The following SHF variants were observed in gnomAD, a reference collection of about 807,000 sequenced individuals.
SHF encodes the protein SH2 domain-containing adapter protein F.
A neutral mutation model predicts 42.4 loss-of-function variants in SHF; 30 were observed. That is an observed-to-expected ratio of 0.71 (90% confidence interval 0.53 to 0.96). The LOEUF (loss-of-function observed/expected upper bound fraction) is 0.96. Among genes scored for constraint, SHF ranks in the 40% least tolerant of loss-of-function variants. The pLI, the probability that SHF is intolerant of heterozygous loss-of-function variation, is 0.00. For synonymous variants in SHF, 264 were observed against 269.9 expected, an observed-to-expected ratio of 0.98 and a Z score of 0.21; for missense variants, 598 against 634.0, an observed-to-expected ratio of 0.94 and a Z score of 0.61.
At position 45,171,900 on chromosome 15, in the gene SHF, G is replaced by T. The variant is rs1268883319; in HGVS notation, c.1263C>A (p.Asp421Glu). 1 of 1,613,452 alleles carries T rather than the reference G, an allele frequency of 6.2e-7. No individual in the cohort carries two copies. Among genetic ancestry groups the T allele is most frequent in the Admixed American group, 1.7e-5 (1 of 60,024 alleles). ...LVRNSETSKN[D>E]FSLSLKSSQG... is the part of the protein sequence containing the mutation. ...CCACTCACTTGAGGGAGAGGGAGAA[G>T]TCATTCTTGCTGGTCTCACTGTTGC... The change falls in exon 6 of 7, where the codon GAC becomes GAA. Residue 421 changes from aspartate to glutamate, a missense_variant. This residue lies in a region of SHF where 439 missense variants were observed against 524.6 expected (regional missense o/e 0.84). Transcript: ENST00000690270.
chr15:45,180,378 T>A (rs1192786871), intron 1 of SHF, among the ~76,000 whole-genome samples: 1 of 152,172 alleles, frequency 6.6e-6, no homozygotes, highest in Non-Finnish European at 1.5e-5. Flanking sequence ...AAGGCGGCTC[T>A]GTGGTCAGCC....
In SHF at chr15:45,198,591, C is replaced by T. The variant is rs749809140; in HGVS notation, c.303+181G>A. 1.7e-4 allele frequency: 104 copies of T among 621,026 alleles called. 1 individual carries two copies. The highest frequency in any genetic ancestry group is 4.7e-4 in the Admixed American group (14 of 29,552). 38.5% of individuals were successfully genotyped at this position (621,026 alleles called of 1,614,324 possible). A position where few individuals can be genotyped will look rare whatever the true frequency, so the allele number is the denominator to read the frequency against. On this transcript the variant is annotated intron_variant, in intron 2 of 7. Transcript: ENST00000290894. ...AAAAAATACCGAGCCCCTTGCCGTG[C>T]CATTGTTCCCACAATGCCGTGACTC...
chr15:45,193,540 A>C (rs1898770341), intron 2 of SHF, among the ~76,000 whole-genome samples: 1 of 152,228 alleles, frequency 6.6e-6, no homozygotes, highest in African/African-American at 2.4e-5. Context: ...AGGAAACAAT[A>C]GGGCAGAGGA....
chr15:45,191,312 C>T (rs1019338269), upstream of SHF, among the ~76,000 whole-genome samples: 1 of 152,164 alleles, frequency 6.6e-6, no homozygotes, highest in African/African-American at 2.4e-5. Flanking sequence ...CCTCCCAAAG[C>T]ACTGGTACTA....
chr15:45,178,268 A>G lies in SHF; in HGVS notation c.537T>C (p.Val179=), dbSNP rs775642047. ...ILEDYADPFD[V]QETGEGSAGA... is the part of the protein sequence containing the mutation. ...CTGCTGAGCCTTCGCCAGTCTCCTG[A>G]ACATCAAACGGGTCCGCATAGTCTT... The change falls in exon 2 of 7, where the codon GTT becomes GTC. Residue 179 remains valine, a synonymous_variant. Coordinates refer to ENST00000690270, the MANE Select transcript of SHF (RefSeq NM_001394037.1). 7 of 1,613,952 alleles carry G rather than the reference A, an allele frequency of 4.3e-6. No homozygotes were observed. Among genetic ancestry groups the G allele is most frequent in the East Asian group, 4.5e-5 (2 of 44,858 alleles).
At chr15:45,198,867 C>A in exon 2 of SHF, 1 of 1,613,988 alleles carries the variant, frequency 6.2e-7, no homozygotes. Flanking sequence ...CCATTAGCCA[C>A]GGGCTGTGGT....
exon 1 of SHF, chr15:45,200,964 C>T (rs1899071233): frequency 2.4e-6 from 1 of 423,804 alleles, no homozygotes; most frequent in Non-Finnish European, 4.7e-6. Flanking sequence ...CTTTTGCGGT[C>T]CGTGCGTACA....
At chr15:45,194,955 A>C (rs1302634626) in intron 2 of SHF, among the ~76,000 whole-genome samples, 1 of 152,042 alleles carries the variant, frequency 6.6e-6, no homozygotes, top group Non-Finnish European at 1.5e-5. Flanking sequence ...CAGCTGCTCC[A>C]ATAGCTGGGA....
intron 6 of SHF, among the ~76,000 whole-genome samples, chr15:45,169,197 C>G (rs1301055903): frequency 1.3e-5 from 2 of 152,208 alleles, no homozygotes; most frequent in East Asian, 3.8e-4. Context: ...AGAAGTGAGG[C>G]TGGCAATCCT....
chr15:45,191,656 A>G (rs1898710653), upstream of SHF, among the ~76,000 whole-genome samples: 1 of 152,268 alleles, frequency 6.6e-6, no homozygotes, highest in South Asian at 2.1e-4. Flanking sequence ...TTATATAGCT[A>G]TAATTGTGGT....
Position 45,167,290 on chromosome 15 carries a change from C to T in SHF, c.*657G>A, listed in dbSNP as rs1242468877. 6.6e-6 allele frequency: 1 copy of T among 152,320 alleles called. No homozygotes were observed. The highest frequency in any genetic ancestry group is 2.4e-5 in the African/African-American group (1 of 41,472). The allele number at this position is 152,320 out of a possible 1,614,324, so 9.4% of individuals were successfully genotyped here. On this transcript the variant is annotated 3_prime_UTR_variant, in exon 7 of 7. Coordinates refer to ENST00000690270, the MANE Select transcript of SHF (RefSeq NM_001394037.1). ...TCTGCGCTCGCTTCTCCGCTCCCTC[C>T]CCCGTCAGCCCGGGGACGGCGCCGG...
intron 2 of SHF, 32 bp downstream of exon 2, chr15:45,178,133 C>A: frequency 6.2e-7 from 1 of 1,604,334 alleles, no homozygotes; most frequent in Non-Finnish European, 8.5e-7. Context: ...GCCCAGGCCT[C>A]AGGGAGCACC....
chr15:45,188,174 G>T (rs1049100968), upstream of SHF, among the ~76,000 whole-genome samples: 3 of 152,180 alleles, frequency 2.0e-5, no homozygotes, highest in Admixed American at 2.0e-4. Flanking sequence ...GAAGTGGGCA[G>T]CCCTGGGGCA....
At chr15:45,198,925 C>G (rs542760822) in exon 2 of SHF, 1 of 1,613,714 alleles carries the variant, frequency 6.2e-7, no homozygotes. Context: ...TTAGGGGAGA[C>G]GGCGTGAGCA....
chr15:45,178,115 T>A (rs1204979130), intron 2 of SHF, 50 bp downstream of exon 2: 2 of 1,578,688 alleles, frequency 1.3e-6, no homozygotes, highest in South Asian at 2.3e-5. Flanking sequence ...CAAAGCCTGT[T>A]CTGCAGAGCC....
At chr15:45,195,845 G>A (rs1706826) in intron 2 of SHF, among the ~76,000 whole-genome samples, 58,602 of 152,002 alleles carry the variant, frequency 0.39, 14,041 homozygotes, top group Non-Finnish European at 0.55. Context: ...TCTGGTCCTT[G>A]CCTTTTGTCT....
Position 45,178,152 on chromosome 15 carries a change from C to A in SHF, c.640+13G>T, listed in dbSNP as rs199616306. 3 of 1,610,884 alleles carry A rather than the reference C, an allele frequency of 1.9e-6. No individual in the cohort carries two copies. Among genetic ancestry groups the A allele is most frequent in the Admixed American group, 1.7e-5 (1 of 59,874 alleles). On this transcript the variant is annotated intron_variant, in intron 2 of 6. Transcript: ENST00000690270. ...AGGCCTCAGGGAGCACCTCCCCTGC[C>A]CCTGTCACTCACCGGCCATCATCTT...
At chr15:45,200,893 A>G (rs1047103055) in exon 1 of SHF, 4 of 456,066 alleles carry the variant, frequency 8.8e-6, no homozygotes, top group Non-Finnish European at 1.8e-5. Flanking sequence ...CAGGGGCTTC[A>G]CATCATTGCA....
chr15:45,178,896 G>A (rs1897974587), intron 1 of SHF, among the ~76,000 whole-genome samples: 2 of 152,360 alleles, frequency 1.3e-5, no homozygotes, highest in South Asian at 4.1e-4. Flanking sequence ...TAAATGGCCA[G>A]GAGGAGGCTA....
Sources: allele counts gnomAD v4.1 joint callset (sites outside exome capture counted in the v4.1 genomes callset), GRCh38; gene constraint gnomAD v4.1.1; regional missense constraint gnomAD v4.1.1; transcripts MANE v1.5; gene names NCBI Gene and HGNC (gene_info 2026-07-23, HGNC 2026-07-21).